The following SNRNP25 variants were observed in gnomAD, a reference collection of about 807,000 sequenced individuals.
SNRNP25 encodes the protein U11/U12 small nuclear ribonucleoprotein 25 kDa protein.
In SNRNP25, 21 loss-of-function variants were observed where a neutral mutation model predicts 23.9. The observed-to-expected ratio is 0.88, with a 90% CI of 0.62 to 1.27. The LOEUF is 1.27. SNRNP25 is among the 50% of genes most tolerant of loss of function. The pLI, the probability that SNRNP25 is intolerant of heterozygous loss-of-function variation, is 0.00. For missense variants in SNRNP25, 160 were observed against 156.9 expected, an observed-to-expected ratio of 1.02 and a Z score of -0.11; for synonymous variants, 63 against 60.4, an observed-to-expected ratio of 1.04 and a Z score of -0.20.
Position 56,588 on chromosome 16 carries a change from A to T in SNRNP25, c.289A>T (p.Thr97Ser). 9 of 1,613,788 alleles carry T rather than the reference A, an allele frequency of 5.6e-6. No homozygotes were observed. The highest frequency in any genetic ancestry group is 7.6e-6 in the Non-Finnish European group (9 of 1,179,834). ...TCTGACCTCTGCAGGAGAGAAACTC[A>T]CGGAAGACAGAAAGAAGCTCCGAGA... ...YHLTSAGEKLTEDRKKLRDYG... is the reference protein window; with the variant it reads ...YHLTSAGEKLSEDRKKLRDYG... Residue 97 changes from threonine to serine, a missense_variant, in exon 4 of 5, where the codon ACG becomes TCG. Thr to Ser is a moderately conservative substitution (Grantham distance 58). Coordinates refer to ENST00000293861, the MANE Select transcript of SNRNP25 (RefSeq NM_024571.4).
chr16:56,993 T>C, intron 4 of SNRNP25, 93 bp from the exon 5 acceptor site: 1 of 1,408,410 alleles, frequency 7.1e-7, no homozygotes, highest in Non-Finnish European at 1.0e-6. Flanking sequence ...CTCCCCTCTG[T>C]TGTTTCTTCG....
intron 1 of SNRNP25, chr16:55,086 G>A (rs1054858611): frequency 5.0e-5 from 9 of 180,710 alleles, no homozygotes; most frequent in East Asian, 4.4e-4. Flanking sequence ...TTGCTGCCCC[G>A]GTAAATTTTG....
Position 55,519 on chromosome 16 carries a change from C to T in SNRNP25, c.103C>T (p.Arg35Ter), listed in dbSNP as rs777011548. 63 of 1,613,992 alleles carry T rather than the reference C, an allele frequency of 3.9e-5. No homozygotes were observed. Among genetic ancestry groups the T allele is most frequent in the Middle Eastern group, 1.6e-4 (1 of 6,084 alleles). Residue 35 changes from arginine to a stop codon, truncating the protein, a stop_gained, in exon 2 of 5, where the codon CGA (arginine) becomes TGA (stop). Transcript: ENST00000293861. LOFTEE classifies it high-confidence loss of function. ...ALEYGQAMTV[R>*]VCKMDGEVMP... Reference sequence around the variant, plus strand: ...AGAATACGGCCAGGCAATGACGGTCCGAGTGTGCAAGATGGATGGAGAAGT... The same window carrying T: ...AGAATACGGCCAGGCAATGACGGTCTGAGTGTGCAAGATGGATGGAGAAGT...
Position 53,925 on chromosome 16 carries a change from C to T in SNRNP25, c.-92C>T. ...GCGGCCCTGGAGGAGACGGAGGCCG[C>T]GGGTGGGCCCGAGGCGCAAGAGGAA... On this transcript the variant is annotated 5_prime_UTR_variant, in exon 1 of 5. Transcript: ENST00000293861. The T allele has an allele frequency of 1.9e-6, 3 of 1,552,580 alleles. No individual in the cohort carries two copies. Among genetic ancestry groups the T allele is most frequent in the Non-Finnish European group, 1.7e-6 (2 of 1,146,646 alleles).
In SNRNP25 at chr16:57,167, T is replaced by C. The variant is rs1897424566; in HGVS notation, c.*24T>C. The stretch of plus-strand genomic sequence containing the variant: ...GAGCCTCCAGACAGGACAACCCTCT[T>C]CATCACTGGTGGCTGAGCTTTTTCC... On this transcript the variant is annotated 3_prime_UTR_variant, in exon 5 of 5. Coordinates refer to ENST00000293861, the MANE Select transcript of SNRNP25 (RefSeq NM_024571.4). 1 of 1,612,668 alleles carries C rather than the reference T, an allele frequency of 6.2e-7. No homozygotes were observed. Among genetic ancestry groups the C allele is most frequent in the Non-Finnish European group, 8.5e-7 (1 of 1,178,788 alleles).
intron 2 of SNRNP25, 69 bp from the exon 3 acceptor site, chr16:55,708 C>T: frequency 1.3e-6 from 2 of 1,577,952 alleles, no homozygotes; most frequent in South Asian, 2.2e-5. Context: ...TGGTTCCTTT[C>T]CTGCCATCGG....
intron 3 of SNRNP25, chr16:56,103 C>G (rs1897402776): frequency 3.2e-6 from 2 of 619,482 alleles, no homozygotes; most frequent in East Asian, 5.6e-5. Context: ...CAACATTCTG[C>G]TCTTCCATCG....
chr16:55,308 A>C (rs1897392163), intron 1 of SNRNP25, 151 bp from the exon 2 acceptor site: 1 of 660,936 alleles, frequency 1.5e-6, no homozygotes, highest in African/African-American at 1.8e-5. Flanking sequence ...GGCTCTGATG[A>C]ATTGGGAAAC....
rs755865995 is a variant in SNRNP25 at position 55,456 on chromosome 16, T to C, written c.43-3T>C. The C allele has an allele frequency of 5.6e-6, 9 of 1,614,078 alleles. No individual in the cohort carries two copies. The East Asian group carries it at 1.8e-4, about 32-fold the overall frequency. On this transcript the variant is annotated splice_polypyrimidine_tract_variant and splice_region_variant and intron_variant, in intron 1 of 4. Transcript: ENST00000293861. ...TCCCACTTCTGCCCTTGGTCTTTTG[T>C]AGGTTACTCTGGAAGAAGTCAACTC...
chr16:54,764 T>G (rs1287580633), intron 1 of SNRNP25, among the ~76,000 whole-genome samples: 1 of 152,170 alleles, frequency 6.6e-6, no homozygotes, highest in Non-Finnish European at 1.5e-5. Context: ...GTTGCCAGGC[T>G]GGAGTGTAGT....
chr16:54,754 G>C (rs9936292), intron 1 of SNRNP25, among the ~76,000 whole-genome samples: 35,343 of 151,816 alleles, frequency 0.23, 4,530 homozygotes, highest in Middle Eastern at 0.37. Flanking sequence ...GTCTTGGTCC[G>C]TTGCCAGGCT....
intron 2 of SNRNP25, 93 bp from the exon 3 acceptor site, chr16:55,684 G>C (rs1298881870): frequency 6.5e-7 from 1 of 1,540,130 alleles, no homozygotes. Context: ...AACCTGCCCT[G>C]TGCACAGAGG....
At position 57,107 on chromosome 16, in the gene SNRNP25, C is replaced by T. The variant is rs538374794; in HGVS notation, c.336C>T (p.Asp112=). ...TCAGCTACGGCATCCGGAATCGAGA[C>T]GAGGTTTCCTTCATCAAAAAGCTGA... The part of the protein sequence containing the change: ...KLRDYGIRNR[D]EVSFIKKLRQ... Residue 112 remains aspartate, a synonymous_variant, in exon 5 of 5, where the codon GAC becomes GAT. Transcript: ENST00000293861. 158 of 1,614,082 alleles carry T rather than the reference C, an allele frequency of 9.8e-5. No homozygotes were observed. Among genetic ancestry groups the T allele is most frequent in the Admixed American group, 6.2e-4 (37 of 60,022 alleles).
At position 53,868 on chromosome 16, in the gene SNRNP25, C is replaced by CT; in HGVS notation, c.-148dup. On this transcript the variant is annotated 5_prime_UTR_variant, in exon 1 of 5. Transcript: ENST00000293861. The stretch of plus-strand genomic sequence containing the variant: ...GCGCGCTTGGCCTCCCTAGTGCGGG[C>CT]TGGCAGTGCGGGCAGAGCCCGGCTG... The CT allele has an allele frequency of 2.7e-6, 4 of 1,470,568 alleles. No individual in the cohort carries two copies. Among genetic ancestry groups the CT allele is most frequent in the Non-Finnish European group, 3.7e-6 (4 of 1,087,906 alleles). The allele number at this position is 1,470,568 out of a possible 1,614,324, so 91.1% of individuals were successfully genotyped here.
At chr16:54,627 G>A (rs1028239998) in intron 1 of SNRNP25, among the ~76,000 whole-genome samples, 2 of 152,158 alleles carry the variant, frequency 1.3e-5, no homozygotes, top group African/African-American at 2.4e-5. Flanking sequence ...ATAAGAGCAA[G>A]ATTAGTAGTA....
At position 57,586 on chromosome 16, in the gene SNRNP25, C is replaced by T; in HGVS notation, c.*443C>T. On this transcript the variant is annotated 3_prime_UTR_variant, in exon 5 of 5. Coordinates refer to ENST00000293861, the MANE Select transcript of SNRNP25 (RefSeq NM_024571.4). ...CCACACCACCAAAGCCTTGAGGCCA[C>T]ACCACTCCCCAAACCACACAACTGT... The T allele has an allele frequency of 5.4e-6, 1 of 185,796 alleles. No individual in the cohort carries two copies. Among genetic ancestry groups the T allele is most frequent in the Non-Finnish European group, 1.1e-5 (1 of 87,504 alleles). The allele number at this position is 185,796 out of a possible 1,614,324, so 11.5% of individuals were successfully genotyped here. A position where few individuals can be genotyped will look rare whatever the true frequency, so the allele number is the denominator to read the frequency against.
At position 53,856 on chromosome 16, in the gene SNRNP25, C is replaced by T; in HGVS notation, c.-161C>T. On this transcript the variant is annotated 5_prime_UTR_variant, in exon 1 of 5. Transcript: ENST00000293861. ...GTTCCTGCGCGTGCGCGCTTGGCCT[C>T]CCTAGTGCGGGCTGGCAGTGCGGGC... 6.9e-7 allele frequency: 1 copy of T among 1,442,376 alleles called. No individual in the cohort carries two copies. 89.3% of individuals were successfully genotyped at this position (1,442,376 alleles called of 1,614,324 possible). A position where few individuals can be genotyped will look rare whatever the true frequency, so the allele number is the denominator to read the frequency against.
In SNRNP25 at chr16:57,131, G is replaced by A. The variant is rs1179000453; in HGVS notation, c.360G>A (p.Leu120=). The A allele has an allele frequency of 2.5e-6, 4 of 1,614,076 alleles. No homozygotes were observed. The highest frequency in any genetic ancestry group is 1.1e-5 in the South Asian group (1 of 91,082). The change falls in exon 5 of 5, where the codon CTG becomes CTA. Residue 120 remains leucine (L), a synonymous_variant. Transcript: ENST00000293861. ...ACGAGGTTTCCTTCATCAAAAAGCTGAGGCAAAAGTGAGCCTCCAGACAGG... is the reference window on the plus strand; with the variant it reads ...ACGAGGTTTCCTTCATCAAAAAGCTAAGGCAAAAGTGAGCCTCCAGACAGG... The part of the protein sequence containing the change: ...NRDEVSFIKK[L]RQK
intron 2 of SNRNP25, 93 bp downstream of exon 2, chr16:55,642 A>C: frequency 6.4e-7 from 1 of 1,555,998 alleles, no homozygotes; most frequent in Non-Finnish European, 8.8e-7. Context: ...AGAAACTCAC[A>C]GGCCATGCCC....
Sources: allele counts gnomAD v4.1 joint callset (sites outside exome capture counted in the v4.1 genomes callset), GRCh38; gene constraint gnomAD v4.1.1; transcripts MANE v1.5; gene names NCBI Gene and HGNC (gene_info 2026-07-23, HGNC 2026-07-21).